The following ANO2 variants were observed in gnomAD, a reference collection of about 807,000 sequenced individuals.
ANO2 encodes anoctamin-2.
In ANO2, 101 loss-of-function variants were observed where a neutral mutation model predicts 124.2. That is an observed-to-expected ratio of 0.81 (90% CI 0.69 to 0.96). The LOEUF (loss-of-function observed/expected upper bound fraction) is 0.96. ANO2 is among the 40% of genes least tolerant of loss of function. The pLI is 0.00. For missense variants in ANO2, 1,293 were observed against 1,274.5 expected, an observed-to-expected ratio of 1.01 and a Z score of -0.22; for synonymous variants, 486 against 482.5, an observed-to-expected ratio of 1.01 and a Z score of -0.09.
At chr12:5,619,599 A>C (rs1291072530) in intron 16 of ANO2, among the ~76,000 whole-genome samples, 1 of 152,086 alleles carries the variant, frequency 6.6e-6, no homozygotes, top group Non-Finnish European at 1.5e-5. Context: ...TGCTGCTTCC[A>C]AGCCTGGGCC....
chr12:5,853,482 G>A (rs1033481386), intron 4 of ANO2, among the ~76,000 whole-genome samples: 11 of 152,012 alleles, frequency 7.2e-5, no homozygotes, highest in African/African-American at 2.7e-4. Context: ...CCCAGAGATG[G>A]GACACTGGCA....
chr12:5,629,492 C>G (rs989105710), intron 16 of ANO2, among the ~76,000 whole-genome samples: 1 of 152,324 alleles, frequency 6.6e-6, no homozygotes, highest in East Asian at 1.9e-4. Flanking sequence ...TTGCACCAGT[C>G]AGCTCCATTG....
intron 7 of ANO2, among the ~76,000 whole-genome samples, chr12:5,819,083 G>A (rs1953703358): frequency 6.6e-6 from 1 of 152,164 alleles, no homozygotes; most frequent in South Asian, 2.1e-4. Context: ...AGCCTCTCCA[G>A]GTATCTACTG....
At chr12:5,835,651 C>T (rs148214353) in intron 4 of ANO2, among the ~76,000 whole-genome samples, 1 of 152,290 alleles carries the variant, frequency 6.6e-6, no homozygotes, top group East Asian at 1.9e-4. Flanking sequence ...GTTTAAAACC[C>T]CTGGCAAAGC....
At chr12:5,863,055 T>C (rs562195139) in intron 3 of ANO2, among the ~76,000 whole-genome samples, 2 of 152,278 alleles carry the variant, frequency 1.3e-5, no homozygotes, top group Non-Finnish European at 2.9e-5. Flanking sequence ...TGTAAACACA[T>C]GCCTTTCACC....
At chr12:5,622,495 G>A (rs1945163720) in intron 16 of ANO2, among the ~76,000 whole-genome samples, 1 of 152,198 alleles carries the variant, frequency 6.6e-6, no homozygotes, top group Non-Finnish European at 1.5e-5. Flanking sequence ...GAGTCACAGT[G>A]TGTGCTTGGC....
chr12:5,602,058 T>C (rs1395082891), intron 19 of ANO2, among the ~76,000 whole-genome samples: 4 of 152,146 alleles, frequency 2.6e-5, no homozygotes, highest in African/African-American at 4.8e-5. Flanking sequence ...CCTAGGTGAC[T>C]AGCACTTCCC....
intron 3 of ANO2, among the ~76,000 whole-genome samples, chr12:5,882,574 G>C (rs1181061704): frequency 2.0e-5 from 3 of 152,196 alleles, no homozygotes; most frequent in Admixed American, 6.5e-5. Context: ...ACATCAGAGG[G>C]ACAACTGGCC....
intron 20 of ANO2, chr12:5,583,932 C>A (rs2136854596): frequency 4.5e-6 from 1 of 224,654 alleles, no homozygotes; most frequent in East Asian, 1.1e-4. Context: ...TGCCAGCTTC[C>A]TGCACAGCTT....
chr12:5,890,538 T>G (rs4764574), intron 3 of ANO2, among the ~76,000 whole-genome samples: 12,585 of 152,284 alleles, frequency 0.083, 745 homozygotes, highest in East Asian at 0.26. Context: ...AATAATTTCT[T>G]GCCAAGCCCT....
At chr12:5,934,571 T>C (rs999349547) in intron 1 of ANO2, among the ~76,000 whole-genome samples, 3 of 152,184 alleles carry the variant, frequency 2.0e-5, no homozygotes, top group Non-Finnish European at 2.9e-5. Context: ...AACCTACTCA[T>C]TGGCAGCCCA....
At chr12:5,687,264 T>C (rs999496743) in intron 14 of ANO2, among the ~76,000 whole-genome samples, 1 of 152,122 alleles carries the variant, frequency 6.6e-6, no homozygotes. Flanking sequence ...GCCCCACAAC[T>C]CCATAAGGAT....
chr12:5,940,032 G>A (rs1182319450), intron 1 of ANO2, among the ~76,000 whole-genome samples: 2 of 152,164 alleles, frequency 1.3e-5, no homozygotes, highest in Admixed American at 1.3e-4. Flanking sequence ...GCAGGGATAT[G>A]GTAAATGCTT....
At chr12:5,773,810 C>T (rs1006189202) in intron 10 of ANO2, among the ~76,000 whole-genome samples, 1 of 152,200 alleles carries the variant, frequency 6.6e-6, no homozygotes, top group Non-Finnish European at 1.5e-5. Context: ...ACCCCTCACA[C>T]TCCCTTGGTC....
intron 14 of ANO2, among the ~76,000 whole-genome samples, chr12:5,722,704 T>C (rs1950280437): frequency 6.6e-6 from 1 of 152,136 alleles, no homozygotes; most frequent in South Asian, 2.1e-4. Context: ...GATGAAATCA[T>C]TTGTCCATGA....
intron 14 of ANO2, among the ~76,000 whole-genome samples, chr12:5,686,858 G>A (rs1285959291): frequency 5.3e-5 from 8 of 152,206 alleles, no homozygotes; most frequent in Admixed American, 5.2e-4. Flanking sequence ...AGCCCACCTT[G>A]TCACTTAAGC....
intron 9 of ANO2, among the ~76,000 whole-genome samples, chr12:5,800,845 A>C (rs563218617): frequency 6.6e-6 from 1 of 152,318 alleles, no homozygotes; most frequent in South Asian, 2.1e-4. Context: ...AAGAGGAGGC[A>C]ATTTGTAAAG....
intron 3 of ANO2, among the ~76,000 whole-genome samples, chr12:5,901,389 A>C (rs1362801167): frequency 1.3e-5 from 2 of 152,202 alleles, no homozygotes; most frequent in Non-Finnish European, 2.9e-5. Context: ...GAGGACAAGC[A>C]GCTGTTCTTT....
intron 14 of ANO2, among the ~76,000 whole-genome samples, chr12:5,711,429 T>C (rs1290377409): frequency 6.6e-6 from 1 of 152,212 alleles, no homozygotes; most frequent in East Asian, 1.9e-4. Flanking sequence ...GCCAAGCAGA[T>C]GCTGGTGCCA....
Sources: allele counts gnomAD v4.1 joint callset (sites outside exome capture counted in the v4.1 genomes callset), GRCh38; gene constraint gnomAD v4.1.1; transcripts MANE v1.5; gene names NCBI Gene and HGNC (gene_info 2026-07-23, HGNC 2026-07-21).